The following MDFIC2 variants were observed in gnomAD, a reference collection of about 807,000 sequenced individuals.
MDFIC2 encodes myoD family inhibitor domain-containing protein 2.
At chr3:70,268,469 C>T (rs868519143) in intron 2 of MDFIC2, among the ~76,000 whole-genome samples, 7 of 83,754 alleles carry the variant, frequency 8.4e-5, no homozygotes, top group South Asian at 1.1e-3. Flanking sequence ...AGCGAGACTC[C>T]GTCTCAAAAA....
chr3:70,246,983 G>A (rs1701713122), intron 2 of MDFIC2, among the ~76,000 whole-genome samples: 1 of 151,858 alleles, frequency 6.6e-6, no homozygotes, highest in South Asian at 2.1e-4. Flanking sequence ...CAAGGCTCAG[G>A]GCATATCATA....
intron 2 of MDFIC2, among the ~76,000 whole-genome samples, chr3:70,245,670 TTTA>T (rs397875669): frequency 9.6e-6 from 1 of 104,132 alleles, no homozygotes; most frequent in Non-Finnish European, 1.8e-5. Context: ...TGCAAACTGC[TTTA>T]TATATATATA....
intron 2 of MDFIC2, among the ~76,000 whole-genome samples, chr3:70,257,700 T>C (rs912986861): frequency 6.6e-6 from 1 of 152,200 alleles, no homozygotes; most frequent in African/African-American, 2.4e-5. Context: ...TATTCATGCA[T>C]CGGAAGACTC....
intron 3 of MDFIC2, among the ~76,000 whole-genome samples, chr3:70,202,915 A>AAT (rs1701255790): frequency 6.6e-6 from 1 of 152,116 alleles, no homozygotes; most frequent in African/African-American, 2.4e-5. Flanking sequence ...AGGAGGTTCC[A>AAT]CAAGTGTGTT....
intron 2 of MDFIC2, among the ~76,000 whole-genome samples, chr3:70,286,096 C>T (rs1249088101): frequency 6.6e-6 from 1 of 152,146 alleles, no homozygotes; most frequent in Non-Finnish European, 1.5e-5. Flanking sequence ...TGTTTTGCTG[C>T]CATTGCTTTT....
chr3:70,280,803 T>C (rs1206553030), intron 2 of MDFIC2, among the ~76,000 whole-genome samples: 1 of 152,112 alleles, frequency 6.6e-6, no homozygotes, highest in Non-Finnish European at 1.5e-5. Flanking sequence ...TGTTTGACTG[T>C]AGGTCATGAA....
intron 2 of MDFIC2, among the ~76,000 whole-genome samples, chr3:70,290,060 C>T (rs558817748): frequency 1.4e-3 from 217 of 152,286 alleles, no homozygotes; most frequent in African/African-American, 5.1e-3. Flanking sequence ...TCTCTCAGCT[C>T]GTCAAAGTCA....
chr3:70,306,364 G>T (rs1273456863), intron 2 of MDFIC2, among the ~76,000 whole-genome samples: 1 of 152,072 alleles, frequency 6.6e-6, no homozygotes, highest in African/African-American at 2.4e-5. Flanking sequence ...ACCCGCCTCG[G>T]CCTCCCAAAG....
chr3:70,207,059 T>A (rs2106724884), intron 2 of MDFIC2, among the ~76,000 whole-genome samples: 1 of 149,728 alleles, frequency 6.7e-6, no homozygotes, highest in East Asian at 2.0e-4. Context: ...TGGTAATAAG[T>A]AGGGAGAATC....
chr3:70,206,939 A>C (rs1266687544), intron 2 of MDFIC2, 149 bp from the exon 3 acceptor site: 28 of 393,286 alleles, frequency 7.1e-5, no homozygotes, highest in Non-Finnish European at 1.2e-4. Context: ...GACAATTTTG[A>C]ATAAAAATAT....
chr3:70,253,522 G>A (rs1042151046), intron 2 of MDFIC2, among the ~76,000 whole-genome samples: 1 of 152,220 alleles, frequency 6.6e-6, no homozygotes. Flanking sequence ...GGGAGGCCAA[G>A]ATAGGAAGCC....
At chr3:70,268,239 G>A (rs1004129480) in intron 2 of MDFIC2, among the ~76,000 whole-genome samples, 3 of 152,142 alleles carry the variant, frequency 2.0e-5, no homozygotes, top group African/African-American at 7.2e-5. Context: ...GGGGGGCCAA[G>A]GCAGGCAGAT....
At chr3:70,286,653 G>A (rs1702167107) in intron 2 of MDFIC2, among the ~76,000 whole-genome samples, 1 of 151,892 alleles carries the variant, frequency 6.6e-6, no homozygotes, top group Non-Finnish European at 1.5e-5. Context: ...CTTGGGCAGT[G>A]TGGCCATTTT....
At chr3:70,201,860 C>T (rs998299609) in intron 3 of MDFIC2, among the ~76,000 whole-genome samples, 1 of 152,154 alleles carries the variant, frequency 6.6e-6, no homozygotes, top group Admixed American at 6.5e-5. Context: ...TGGCTTCTGT[C>T]TAGATTCAGC....
chr3:70,254,726 A>C (rs1701799034), intron 2 of MDFIC2, among the ~76,000 whole-genome samples: 2 of 152,194 alleles, frequency 1.3e-5, no homozygotes, highest in South Asian at 4.1e-4. Flanking sequence ...AAGTTCTGTC[A>C]TGACGCACTC....
intron 3 of MDFIC2, among the ~76,000 whole-genome samples, chr3:70,198,693 T>C (rs1056174953): frequency 3.9e-5 from 6 of 152,180 alleles, no homozygotes; most frequent in Non-Finnish European, 1.5e-5. Flanking sequence ...TTGTCATATA[T>C]TGTTGCAGGT....
rs113071317 is a variant in MDFIC2 at position 70,264,677 on chromosome 3, A to T, written c.88+47209T>A. On this transcript the variant is annotated intron_variant, in intron 2 of 3. Coordinates refer to ENST00000567252, the MANE Select transcript of MDFIC2 (RefSeq NM_001364677.1). ...TACTTTGCTAAAGACTCACTTTGCTAAACACAGTGAACATGGCAGATGCAG... is the reference window on the plus strand; with the variant it reads ...TACTTTGCTAAAGACTCACTTTGCTTAACACAGTGAACATGGCAGATGCAG... 3.6e-4 allele frequency among the ~76,000 whole-genome samples: 55 copies of T among 152,332 alleles called. 1 individual carries two copies. Among genetic ancestry groups the T allele is most frequent in the African/African-American group, 1.3e-3 (55 of 41,582 alleles).
rs556241083 is a variant in MDFIC2, at chr3:70,196,905, G to A, written c.*21C>T. 1 of 398,452 alleles carries A rather than the reference G, an allele frequency of 2.5e-6. No homozygotes were observed. Among genetic ancestry groups the A allele is most frequent in the Admixed American group, 4.4e-5 (1 of 22,732 alleles). The allele number at this position is 398,452 out of a possible 1,614,324, so 24.7% of individuals were successfully genotyped here. ...CCCACCGTGGCCAAAAGGACTGCCG[G>A]AATGTGGTTACTTCACTGTGCTAGC... On this transcript the variant is annotated 3_prime_UTR_variant, in exon 4 of 4. Coordinates refer to ENST00000567252, the MANE Select transcript of MDFIC2 (RefSeq NM_001364677.1).
intron 2 of MDFIC2, among the ~76,000 whole-genome samples, chr3:70,250,799 T>C (rs1325871513): frequency 1.3e-5 from 2 of 152,164 alleles, no homozygotes; most frequent in African/African-American, 4.8e-5. Flanking sequence ...GACATAAACA[T>C]ATGCATTTCT....
Sources: allele counts gnomAD v4.1 joint callset (sites outside exome capture counted in the v4.1 genomes callset), GRCh38; gene constraint gnomAD v4.1.1; transcripts MANE v1.5; gene names NCBI Gene and HGNC (gene_info 2026-07-23, HGNC 2026-07-21).